ROR1: variants seen among roughly 807,000 people sequenced by gnomAD.
ROR1 encodes ROR family WNT receptor 1.
In ROR1, 19 loss-of-function variants were observed where a neutral mutation model predicts 78.8. That is an observed-to-expected ratio of 0.24 (90% CI 0.17 to 0.35). The LOEUF is 0.35. Among genes scored for constraint, ROR1 ranks in the 10% least tolerant of loss-of-function variants. The pLI is 1.00. For missense variants in ROR1, 917 were observed against 1,177.8 expected (o/e 0.78, Z 3.24); for synonymous variants, 386 against 433.6 (o/e 0.89, Z 1.36).
chr1:63,782,482 C>T (rs1194939503), intron 1 of ROR1, among the ~76,000 whole-genome samples: 1 of 151,176 alleles, frequency 6.6e-6, no homozygotes, highest in Non-Finnish European at 1.5e-5. Flanking sequence ...GTGGAAGCCA[C>T]ACTTGTTTAG....
chr1:64,045,489 T>A (rs1357245734), intron 2 of ROR1, among the ~76,000 whole-genome samples: 1 of 152,176 alleles, frequency 6.6e-6, no homozygotes, highest in East Asian at 1.9e-4. Flanking sequence ...CTCCCCTCAG[T>A]GGCATCAATA....
At chr1:63,972,047 A>G (rs1646123564) in intron 1 of ROR1, among the ~76,000 whole-genome samples, 1 of 152,180 alleles carries the variant, frequency 6.6e-6, no homozygotes, top group South Asian at 2.1e-4. Flanking sequence ...AATCCTAAAG[A>G]GGCCCAGATT....
At chr1:64,069,516 A>ATGTGTGTGTGTGTG (rs143372488) in intron 4 of ROR1, among the ~76,000 whole-genome samples, 5 of 150,422 alleles carry the variant, frequency 3.3e-5, no homozygotes, top group African/African-American at 1.2e-4. Context: ...CTTGGGTTAA[A>ATGTGTGTGTGTGTG]TGTGTGTGTG....
chr1:64,124,793 C>T (rs935425740), intron 4 of ROR1, among the ~76,000 whole-genome samples: 4 of 152,172 alleles, frequency 2.6e-5, no homozygotes, highest in African/African-American at 4.8e-5. Flanking sequence ...CAACACTACT[C>T]GAAAATAGCT....
intron 8 of ROR1, among the ~76,000 whole-genome samples, chr1:64,163,465 G>T (rs1650003100): frequency 6.6e-6 from 1 of 152,098 alleles, no homozygotes; most frequent in Admixed American, 6.5e-5. Flanking sequence ...GCGAGGAAGA[G>T]TCAAGGCAGG....
chr1:64,118,745 CAG>C (rs944769592), intron 4 of ROR1, among the ~76,000 whole-genome samples: 3 of 149,794 alleles, frequency 2.0e-5, no homozygotes, highest in African/African-American at 7.4e-5. Flanking sequence ...CTCGGTAAAT[CAG>C]AGTTAACAAC....
chr1:64,036,267 C>T (rs984762343), intron 2 of ROR1, among the ~76,000 whole-genome samples: 6 of 152,170 alleles, frequency 3.9e-5, no homozygotes, highest in Admixed American at 2.6e-4. Context: ...ATCCACCCAT[C>T]CATCCAGTAA....
At chr1:64,024,059 A>G (rs1646587856) in intron 2 of ROR1, among the ~76,000 whole-genome samples, 1 of 152,020 alleles carries the variant, frequency 6.6e-6, no homozygotes, top group Admixed American at 6.6e-5. Flanking sequence ...CTTCTCCTTC[A>G]CCTTCTGCCA....
chr1:64,119,660 A>T (rs1234727427), intron 4 of ROR1, among the ~76,000 whole-genome samples: 4 of 148,770 alleles, frequency 2.7e-5, no homozygotes, highest in Non-Finnish European at 6.0e-5. Context: ...AAAAAAAAAA[A>T]AGTGATGGCT....
At position 63,876,786 on chromosome 1, in the gene ROR1, A is replaced by G. The variant is rs547133665; in HGVS notation, c.91+102278A>G. ...AGGCTATGTTTTAGGTTGGCTATACAGCAATGAGGTTGCACTACACAGCCT... is the reference window on the plus strand; with the variant it reads ...AGGCTATGTTTTAGGTTGGCTATACGGCAATGAGGTTGCACTACACAGCCT... On this transcript the variant is annotated intron_variant, in intron 1 of 8. Coordinates refer to ENST00000371079, the MANE Select transcript of ROR1 (RefSeq NM_005012.4). 3.3e-5 allele frequency among the ~76,000 whole-genome samples: 5 copies of G among 151,808 alleles called. No individual in the cohort carries two copies. In the South Asian group the frequency reaches 1.0e-3, roughly 32 times the overall value.
rs71056009 is a variant in ROR1, at chr1:63,846,118, ATGTGTGTGTGTGTGTGTGTGTGTGTG to A, written c.91+71638_91+71663del. Among the ~76,000 whole-genome samples the A allele has an allele frequency of 2.1e-4, 29 of 136,416 alleles. 1 individual carries two copies. The highest frequency in any genetic ancestry group is 1.0e-3 in the Admixed American group (14 of 13,570). 89.5% of individuals were successfully genotyped at this position (136,416 alleles called of 152,430 possible). A position where few individuals can be genotyped will look rare whatever the true frequency, so the allele number is the denominator to read the frequency against. On this transcript the variant is annotated intron_variant, in intron 1 of 8. Coordinates refer to ENST00000371079, the MANE Select transcript of ROR1 (RefSeq NM_005012.4). ...TTTTTATTTGACAGAGAGAGAGAGA[ATGTGTGTGTGTGTGTGTGTGTGTGTG>A]TGTGTGTGTGTGTGTGTGTGTGTGT...
intron 1 of ROR1, among the ~76,000 whole-genome samples, chr1:63,940,812 C>G (rs1183654765): frequency 1.3e-5 from 2 of 151,632 alleles, no homozygotes; most frequent in Non-Finnish European, 2.9e-5. Flanking sequence ...AAAAAATGGA[C>G]AACATCTCAG....
At chr1:63,961,622 G>A (rs59572937) in intron 1 of ROR1, among the ~76,000 whole-genome samples, 34,149 of 152,134 alleles carry the variant, frequency 0.22, 4,328 homozygotes, top group African/African-American at 0.34. Flanking sequence ...CTCATATGTG[G>A]AAGCTAAAAA....
chr1:63,866,304 A>G (rs544007727), intron 1 of ROR1, among the ~76,000 whole-genome samples: 11 of 152,264 alleles, frequency 7.2e-5, no homozygotes, highest in Non-Finnish European at 1.0e-4. Context: ...AATTCTGAAC[A>G]AAACCCTCCA....
chr1:64,106,412 C>T (rs1474795894), intron 4 of ROR1: 2 of 152,156 alleles, frequency 1.3e-5, no homozygotes, highest in African/African-American at 4.8e-5. Context: ...CAAATAGAGA[C>T]AATTTGACTC....
intron 1 of ROR1, among the ~76,000 whole-genome samples, chr1:63,796,651 G>A (rs935428396): frequency 3.3e-5 from 5 of 152,160 alleles, no homozygotes; most frequent in African/African-American, 1.2e-4. Context: ...AAGGTTTAAA[G>A]GCAGAAACAG....
At chr1:63,971,255 G>A (rs1289180429) in intron 1 of ROR1, among the ~76,000 whole-genome samples, 3 of 152,052 alleles carry the variant, frequency 2.0e-5, no homozygotes, top group Non-Finnish European at 2.9e-5. Flanking sequence ...AACCCCTTAG[G>A]CCTCACTTTC....
rs148046213 is a variant in ROR1, at chr1:64,033,844, G to T, written c.164-15847G>T. Among the ~76,000 whole-genome samples the T allele has an allele frequency of 3.1e-3, 465 of 152,324 alleles. 2 individuals carry two copies. Among genetic ancestry groups the T allele is most frequent in the African/African-American group, 0.011 (446 of 41,572 alleles). ...TTTATCTCATTTAATCCGTGTAACA[G>T]TCTGAAGCAACAGGTAATACTAGAG... On this transcript the variant is annotated intron_variant, in intron 2 of 8. Transcript: ENST00000371079.
At position 63,774,330 on chromosome 1, in the gene ROR1, C is replaced by G; in HGVS notation, c.-88C>G. ...GTCCTGCGAGCGCCAGCGGCCGGGA[C>G]GAGGCGGCCGGGAGCCCGGGAAGAG... On this transcript the variant is annotated 5_prime_UTR_variant, in exon 1 of 9. Coordinates refer to ENST00000371079, the MANE Select transcript of ROR1 (RefSeq NM_005012.4). This position sits in a 1 kb window ranked among gnomAD's most constrained non-coding sequence, Gnocchi z 5.7. The G allele has an allele frequency of 1.2e-6, 1 of 835,814 alleles. No homozygotes were observed. Among genetic ancestry groups the G allele is most frequent in the Non-Finnish European group, 1.7e-6 (1 of 605,808 alleles). 51.8% of individuals were successfully genotyped at this position (835,814 alleles called of 1,614,324 possible).
Sources: allele counts gnomAD v4.1 joint callset (sites outside exome capture counted in the v4.1 genomes callset), GRCh38; gene constraint gnomAD v4.1.1; non-coding constraint Gnocchi (gnomAD v3.1); transcripts MANE v1.5; gene names NCBI Gene and HGNC (gene_info 2026-07-23, HGNC 2026-07-21).